Variants in BCKDHB observed in about 807,000 individuals in gnomAD.
BCKDHB encodes the protein 2-oxoisovalerate dehydrogenase subunit beta, mitochondrial.
A neutral mutation model predicts 48.5 loss-of-function variants in BCKDHB; 41 were observed. The ratio of observed to expected loss-of-function variants is 0.85; its 90% confidence interval spans 0.66 to 1.10. BCKDHB has a LOEUF of 1.10. BCKDHB is among the 50% of genes least tolerant of loss of function. The pLI, the probability that BCKDHB is intolerant of heterozygous loss-of-function variation, is 0.00. For missense variants in BCKDHB, 496 were observed against 494.2 expected (o/e 1.00, Z -0.03); for synonymous variants, 201 against 174.8 (o/e 1.15, Z -1.18).
the BCKDHB span, among the ~76,000 whole-genome samples, chr6:80,426,961 T>C: frequency 6.6e-6 from 1 of 152,150 alleles, no homozygotes; most frequent in South Asian, 2.1e-4. Flanking sequence ...TTATATTTCT[T>C]TTCTCAGTTC....
the BCKDHB span, among the ~76,000 whole-genome samples, chr6:80,387,153 T>C: frequency 6.6e-6 from 1 of 152,080 alleles, no homozygotes; most frequent in Non-Finnish European, 1.5e-5. Context: ...GGAGGTCAGG[T>C]AATTAATGGG....
intron 8 of BCKDHB, among the ~76,000 whole-genome samples, chr6:80,208,077 G>A (rs958421677): frequency 4.6e-5 from 7 of 151,750 alleles, no homozygotes; most frequent in African/African-American, 1.4e-4. Flanking sequence ...GCCAAATGCT[G>A]GGGCATAAAT....
chr6:80,133,048 G>GT (rs1770710856), intron 3 of BCKDHB, among the ~76,000 whole-genome samples: 1 of 152,148 alleles, frequency 6.6e-6, no homozygotes, highest in African/African-American at 2.4e-5. Context: ...TGCATTAAAT[G>GT]ACATAGCAAA....
intron 8 of BCKDHB, among the ~76,000 whole-genome samples, chr6:80,236,821 T>C (rs1228532796): frequency 6.6e-6 from 1 of 152,206 alleles, no homozygotes; most frequent in Non-Finnish European, 1.5e-5. Context: ...TTATCTTATA[T>C]TTTATAGTGA....
chr6:80,439,074 A>G, the BCKDHB span, among the ~76,000 whole-genome samples: 2 of 152,200 alleles, frequency 1.3e-5, no homozygotes, highest in Non-Finnish European at 1.5e-5. Context: ...CCACATACAG[A>G]AAACATCTTA....
intron 8 of BCKDHB, among the ~76,000 whole-genome samples, chr6:80,210,800 T>C (rs189306426): frequency 3.4e-4 from 51 of 152,194 alleles, no homozygotes; most frequent in African/African-American, 1.2e-3. Context: ...CAGGAGCTCA[T>C]AAGTAGGGCT....
the BCKDHB span, among the ~76,000 whole-genome samples, chr6:80,404,114 C>T: frequency 6.6e-6 from 1 of 151,672 alleles, no homozygotes; most frequent in East Asian, 1.9e-4. Flanking sequence ...AAAGTCTTCT[C>T]ACTTCTAATT....
intron 3 of BCKDHB, among the ~76,000 whole-genome samples, chr6:80,142,678 G>T (rs557247583): frequency 2.2e-4 from 33 of 152,120 alleles, no homozygotes; most frequent in African/African-American, 7.5e-4. Context: ...GGGGGAGGAG[G>T]AGTATTGAAA....
chr6:80,282,475 G>A (rs78757737), intron 9 of BCKDHB, among the ~76,000 whole-genome samples: 6,706 of 152,034 alleles, frequency 0.044, 484 homozygotes, highest in African/African-American at 0.15. Flanking sequence ...TTGTTCGTTC[G>A]ATAGGAAAAT....
chr6:80,356,749 TTC>T, the BCKDHB span: 8 of 152,170 alleles, frequency 5.3e-5, no homozygotes, highest in African/African-American at 1.7e-4. Context: ...TGCATAATCT[TTC>T]TGTTTTGTAA....
At chr6:80,441,277 T>C in the BCKDHB span, 1 of 152,174 alleles carries the variant, frequency 6.6e-6, no homozygotes, top group Non-Finnish European at 1.5e-5. Flanking sequence ...AATATCCAAA[T>C]GACAGTTTCT....
At chr6:80,343,524 C>A in intron 9 of BCKDHB, 140 bp from the exon 10 acceptor site, 1 of 941,692 alleles carries the variant, frequency 1.1e-6, no homozygotes. Flanking sequence ...CTGCTTTTTT[C>A]ATATTACAGT....
chr6:80,381,894 T>C, the BCKDHB span, among the ~76,000 whole-genome samples: 2 of 150,620 alleles, frequency 1.3e-5, no homozygotes, highest in African/African-American at 2.4e-5. Context: ...ATGAAGAAAT[T>C]CCTAAAACCT....
At chr6:80,417,493 A>G in the BCKDHB span, among the ~76,000 whole-genome samples, 11,893 of 152,020 alleles carry the variant, frequency 0.078, 599 homozygotes, top group Non-Finnish European at 0.11. Context: ...TCCTTTCCAT[A>G]TTTATTGCTT....
intron 6 of BCKDHB, among the ~76,000 whole-genome samples, chr6:80,178,422 G>A (rs534100518): frequency 6.6e-5 from 10 of 152,130 alleles, no homozygotes; most frequent in Non-Finnish European, 1.0e-4. Flanking sequence ...AATATCCTTC[G>A]TTAATAGCAC....
the BCKDHB span, among the ~76,000 whole-genome samples, chr6:80,435,588 T>C: frequency 4.9e-4 from 75 of 152,348 alleles, no homozygotes; most frequent in African/African-American, 1.7e-3. Context: ...TTCCACTTTT[T>C]TTCAAGATCT....
At chr6:80,423,793 T>A in the BCKDHB span, among the ~76,000 whole-genome samples, 1 of 152,234 alleles carries the variant, frequency 6.6e-6, no homozygotes, top group East Asian at 1.9e-4. Flanking sequence ...CCATTCTTTC[T>A]TACCCAAGCT....
At position 80,245,830 on chromosome 6, in the gene BCKDHB, C is replaced by T. The variant is rs142320792; in HGVS notation, c.952-27305C>T. The stretch of plus-strand genomic sequence containing the variant: ...GTGGTTCATGTCTGCAATCCCAGCA[C>T]GTTGGGAGGCCGAGGCAGGTGGATC... On this transcript the variant is annotated intron_variant, in intron 8 of 9. Transcript: ENST00000320393. Among the ~76,000 whole-genome samples, 313 of 152,198 alleles carry T rather than the reference C, an allele frequency of 2.1e-3. 1 individual carries two copies. The highest frequency in any genetic ancestry group is 6.1e-3 in the African/African-American group (252 of 41,524).
At position 80,162,637 on chromosome 6, in the gene BCKDHB, G is replaced by T. The variant is rs576262621; in HGVS notation, c.344-5041G>T. ...AGGCTGGGGCGGGTGGATCACCTGAGGTCAGGAGTTTGAGACAAGCCTGGC... is the reference window on the plus strand; with the variant it reads ...AGGCTGGGGCGGGTGGATCACCTGATGTCAGGAGTTTGAGACAAGCCTGGC... On this transcript the variant is annotated intron_variant, in intron 3 of 9. Coordinates refer to ENST00000320393, the MANE Select transcript of BCKDHB (RefSeq NM_183050.4). Among the ~76,000 whole-genome samples the T allele has an allele frequency of 1.1e-4, 17 of 152,162 alleles. No homozygotes were observed. The East Asian group carries it at 3.3e-3, about 30-fold the overall frequency.
Sources: allele counts gnomAD v4.1 joint callset (sites outside exome capture counted in the v4.1 genomes callset), GRCh38; gene constraint gnomAD v4.1.1; transcripts MANE v1.5; gene names NCBI Gene and HGNC (gene_info 2026-07-23, HGNC 2026-07-21).